Variants in BANK1 observed in about 807,000 individuals in gnomAD.
BANK1 encodes B cell scaffold protein with ankyrin repeats 1.
BANK1 carries 95 observed loss-of-function variants against 94.5 expected under a neutral mutation model. The ratio of observed to expected loss-of-function variants is 1.00; its 90% CI spans 0.85 to 1.19. The LOEUF is 1.19. BANK1 is among the 50% of genes most tolerant of loss of function. The pLI is 0.00. For synonymous variants in BANK1, 334 were observed against 308.4 expected (o/e 1.08, Z -0.87); for missense variants, 987 against 932.2 (o/e 1.06, Z -0.77).
chr4:101,912,768 A>C (rs1034932914), intron 6 of BANK1, among the ~76,000 whole-genome samples: 6 of 151,924 alleles, frequency 3.9e-5, no homozygotes, highest in African/African-American at 1.4e-4. Context: ...CAGTGCTTCC[A>C]AAGGCGTCTT....
intron 12 of BANK1, 79 bp from the exon 13 acceptor site, chr4:102,062,996 C>A: frequency 8.9e-7 from 1 of 1,120,080 alleles, no homozygotes; most frequent in Non-Finnish European, 1.3e-6. Context: ...ATTGGTATTG[C>A]TAATAGTAGT....
Position 101,895,361 on chromosome 4 carries a change from A to G in BANK1, c.960A>G (p.Pro320=), listed in dbSNP as rs772419630. 1.3e-6 allele frequency: 2 copies of G among 1,596,480 alleles called. No individual in the cohort carries two copies. The highest frequency in any genetic ancestry group is 2.3e-5 in the East Asian group (1 of 43,420). ...VLTSIFKHEI[P]YYEFQSLQTE... is the part of the protein sequence containing the mutation. ...CATCCATATTCAAACATGAGATACCATATTATGAGTTCCAGTCTCTTCAAA... is the reference window on the plus strand; with the variant it reads ...CATCCATATTCAAACATGAGATACCGTATTATGAGTTCCAGTCTCTTCAAA... Residue 320 remains proline, a synonymous_variant, in exon 6 of 17, where the codon CCA becomes CCG. Coordinates refer to ENST00000322953, the MANE Select transcript of BANK1 (RefSeq NM_017935.5).
At chr4:102,047,501 T>C (rs570292265) in intron 11 of BANK1, among the ~76,000 whole-genome samples, 23 of 152,118 alleles carry the variant, frequency 1.5e-4, no homozygotes, top group Non-Finnish European at 3.4e-4. Context: ...CAAAGCTACA[T>C]GTAAGATCAT....
At chr4:102,042,827 A>G (rs1440519266) in intron 10 of BANK1, among the ~76,000 whole-genome samples, 2 of 150,234 alleles carry the variant, frequency 1.3e-5, no homozygotes, top group African/African-American at 2.4e-5. Context: ...CTCTCCCTCT[A>G]TCTCCTTCTT....
intron 7 of BANK1, among the ~76,000 whole-genome samples, chr4:101,936,092 A>G (rs1336828874): frequency 6.6e-6 from 1 of 151,444 alleles, no homozygotes; most frequent in Non-Finnish European, 1.5e-5. Flanking sequence ...AAAGGAAACA[A>G]TAAGCAAAGT....
At chr4:101,873,523 G>A (rs1017206159) in intron 5 of BANK1, among the ~76,000 whole-genome samples, 7 of 152,116 alleles carry the variant, frequency 4.6e-5, no homozygotes, top group Non-Finnish European at 1.0e-4. Context: ...TAAAAAAACT[G>A]CGCATATAGC....
chr4:102,068,689 G>T (rs566637258), intron 13 of BANK1, among the ~76,000 whole-genome samples: 1 of 152,094 alleles, frequency 6.6e-6, no homozygotes, highest in East Asian at 1.9e-4. Context: ...TTAGCGAGGC[G>T]TGGTGGCATG....
rs183625828 is a variant in BANK1 at position 101,899,757 on chromosome 4, G to C, written c.1009+4347G>C. 7.9e-5 allele frequency among the ~76,000 whole-genome samples: 12 copies of C among 152,284 alleles called. No individual in the cohort carries two copies. The East Asian group carries it at 2.3e-3, about 29-fold the overall frequency. ...AACAACAAGGTTGATACCAGGATGA[G>C]AATTTGGCCTTCGTCATCCTAGAAT... On this transcript the variant is annotated intron_variant, in intron 6 of 16. Coordinates refer to ENST00000322953, the MANE Select transcript of BANK1 (RefSeq NM_017935.5).
chr4:101,937,315 G>T (rs1042393581), intron 7 of BANK1, among the ~76,000 whole-genome samples: 4 of 151,156 alleles, frequency 2.6e-5, no homozygotes, highest in African/African-American at 9.7e-5. Flanking sequence ...TAGAATAGGA[G>T]AAAATTTTTG....
At chr4:101,983,858 A>T (rs1012815899) in intron 7 of BANK1, among the ~76,000 whole-genome samples, 1 of 152,106 alleles carries the variant, frequency 6.6e-6, no homozygotes, top group African/African-American at 2.4e-5. Context: ...AAGTAATCCA[A>T]ATAACATATT....
At chr4:101,990,468 T>A (rs1203576513) in intron 7 of BANK1, among the ~76,000 whole-genome samples, 3 of 152,210 alleles carry the variant, frequency 2.0e-5, no homozygotes, top group Non-Finnish European at 4.4e-5. Flanking sequence ...CGTTAAAACT[T>A]ATTGCTATTG....
At chr4:102,035,794 G>A (rs1727491500) in intron 10 of BANK1, among the ~76,000 whole-genome samples, 1 of 151,760 alleles carries the variant, frequency 6.6e-6, no homozygotes, top group Non-Finnish European at 1.5e-5. Context: ...AAAATTTTTT[G>A]AAGTCTACCT....
At chr4:101,862,715 C>T in intron 4 of BANK1, 51 bp downstream of exon 4, 1 of 1,458,698 alleles carries the variant, frequency 6.9e-7, no homozygotes, top group Non-Finnish European at 9.1e-7. Flanking sequence ...TGAGTTCCTT[C>T]CAATAAATTT....
intron 13 of BANK1, among the ~76,000 whole-genome samples, chr4:102,067,027 CAGTCTGATGTGT>C (rs1728617273): frequency 6.6e-6 from 1 of 152,016 alleles, no homozygotes; most frequent in Non-Finnish European, 1.5e-5. Flanking sequence ...GTAAAGTAAG[CAGTCTGATGTGT>C]CAACTATAAG....
At position 101,918,184 on chromosome 4, in the gene BANK1, T is replaced by G; in HGVS notation, c.1201T>G (p.Phe401Val). The change falls in exon 7 of 17, where the codon TTT becomes GTT. Residue 401 changes from phenylalanine to valine, a missense_variant. Phe to Val is a conservative substitution (Grantham distance 50, BLOSUM62 -1). Coordinates refer to ENST00000322953, the MANE Select transcript of BANK1 (RefSeq NM_017935.5). ...AGAACTCAAGAAAATCTTCGAAGAC[T>G]TTTCAGTAAGTTTTTTTTTTAAATT... is the stretch of plus-strand genomic sequence containing the variant. ...HKELKKIFEDFSIQEIDINNE... is the reference protein window; with the variant it reads ...HKELKKIFEDVSIQEIDINNE... 1.9e-6 allele frequency: 3 copies of G among 1,559,510 alleles called. No homozygotes were observed. Among genetic ancestry groups the G allele is most frequent in the Non-Finnish European group, 2.6e-6 (3 of 1,150,708 alleles).
chr4:101,987,078 A>T (rs1725532331), intron 7 of BANK1, among the ~76,000 whole-genome samples: 1 of 150,960 alleles, frequency 6.6e-6, no homozygotes, highest in Non-Finnish European at 1.5e-5. Context: ...AGACAAAAGT[A>T]TGAGGCTGGA....
At chr4:101,854,926 C>A (rs6849308) in intron 2 of BANK1, 109 bp from the exon 3 acceptor site, 1 of 754,734 alleles carries the variant, frequency 1.3e-6, no homozygotes. Flanking sequence ...AAACTCAGTT[C>A]GGTTTCCCGT....
chr4:101,962,364 T>C (rs1289830495), intron 7 of BANK1, among the ~76,000 whole-genome samples: 1 of 152,182 alleles, frequency 6.6e-6, no homozygotes, highest in African/African-American at 2.4e-5. Flanking sequence ...GTCAAATCTT[T>C]TGCCTTTGGG....
intron 3 of BANK1, among the ~76,000 whole-genome samples, chr4:101,861,361 T>A (rs1039670999): frequency 3.3e-5 from 5 of 152,206 alleles, no homozygotes; most frequent in Non-Finnish European, 5.9e-5. Flanking sequence ...AAGAGAATCT[T>A]GAAATTAGTA....
Sources: gnomAD v4.1 joint callset for allele counts (sites outside exome capture counted in the v4.1 genomes callset) on GRCh38, gnomAD v4.1.1 for gene constraint, MANE v1.5 for transcripts, NCBI Gene and HGNC (gene_info 2026-07-23, HGNC 2026-07-21) for gene names.